The following EDA variants were observed in gnomAD, a reference collection of about 807,000 sequenced individuals.
EDA encodes the protein ectodysplasin-A.
In EDA, 2 loss-of-function variants were observed where a neutral mutation model predicts 23.6. The observed-to-expected ratio is 0.08, with a 90% CI of 0.03 to 0.27. The LOEUF (loss-of-function observed/expected upper bound fraction) is 0.27, where lower values mean the gene tolerates loss of function less well. Among genes scored for constraint, EDA ranks in the 10% least tolerant of loss-of-function variants. EDA has a pLI of 1.00. For missense variants in EDA, 229 were observed against 324.2 expected, an observed-to-expected ratio of 0.71 and a Z score of 2.26; for synonymous variants, 131 against 132.0, an observed-to-expected ratio of 0.99 and a Z score of 0.05.
intron 1 of EDA, among the ~76,000 whole-genome samples, chrX:69,678,083 T>C (rs1228944692): frequency 9.0e-6 from 1 of 111,441 alleles, no homozygotes; most frequent in Non-Finnish European, 1.9e-5. Context: ...TAGGGAATCC[T>C]TTCCCCATTG....
chrX:69,712,564 G>A (rs1479874791), intron 1 of EDA, among the ~76,000 whole-genome samples: 2 of 111,449 alleles, frequency 1.8e-5, no homozygotes, highest in Non-Finnish European at 3.8e-5. Flanking sequence ...GGAAACAACA[G>A]GCGCTGGAGA....
At chrX:69,949,643 A>C (rs1370510011) in intron 1 of EDA, among the ~76,000 whole-genome samples, 3 of 111,498 alleles carry the variant, frequency 2.7e-5, no homozygotes, top group Non-Finnish European at 5.7e-5. Context: ...GGATCTCAAA[A>C]ACTAGGCCCA....
chrX:69,778,342 C>T (rs1334207986), intron 1 of EDA, among the ~76,000 whole-genome samples: 1 of 111,230 alleles, frequency 9.0e-6, no homozygotes, highest in Non-Finnish European at 1.9e-5. Context: ...GCTATTGGTT[C>T]TTGATTGAGA....
intron 1 of EDA, among the ~76,000 whole-genome samples, chrX:69,680,948 A>G (rs1189597634): frequency 2.8e-5 from 3 of 107,313 alleles, no homozygotes; most frequent in Non-Finnish European, 5.8e-5. Context: ...ATGATTTTGC[A>G]GCGGCTGGTA....
At chrX:69,684,681 G>C (rs763120991) in intron 1 of EDA, among the ~76,000 whole-genome samples, 9 of 112,224 alleles carry the variant, frequency 8.0e-5, no homozygotes, top group Non-Finnish European at 1.7e-4. Context: ...GGCAACATGA[G>C]GCAGTAAATC....
intron 1 of EDA, among the ~76,000 whole-genome samples, chrX:69,849,482 A>C (rs1328967810): frequency 8.9e-6 from 1 of 111,819 alleles, no homozygotes; most frequent in Non-Finnish European, 1.9e-5. Context: ...TAAGTTTCGT[A>C]TACTAACCTC....
intron 1 of EDA, chrX:69,860,710 T>G: frequency 7.1e-5 from 35 of 493,808 alleles, no homozygotes; most frequent in Non-Finnish European, 1.1e-4. Flanking sequence ...TGTCTTGGGG[T>G]CGACCTTCTC....
intron 1 of EDA, among the ~76,000 whole-genome samples, chrX:69,865,542 C>T (rs777062542): frequency 2.7e-5 from 3 of 111,615 alleles, no homozygotes; most frequent in Admixed American, 9.5e-5. Context: ...CTGATTAGAT[C>T]GTGCCCACCA....
intron 1 of EDA, among the ~76,000 whole-genome samples, chrX:69,752,557 G>T (rs996988643): frequency 3.6e-5 from 4 of 111,584 alleles, no homozygotes; most frequent in African/African-American, 1.3e-4. Flanking sequence ...TTGTGTCTCT[G>T]CCAGGCTTTG....
intron 3 of EDA, among the ~76,000 whole-genome samples, chrX:70,027,523 C>G (rs914964701): frequency 9.0e-5 from 10 of 111,643 alleles, no homozygotes; most frequent in Non-Finnish European, 1.7e-4. Flanking sequence ...CAGGAAATAA[C>G]TACAAATGTA....
rs2019990086 is a variant in EDA at position 70,018,793 on chromosome X, A to G, written c.503-4425A>G. Among the ~76,000 whole-genome samples the G allele has an allele frequency of 2.7e-5, 3 of 111,642 alleles. 1 individual carries two copies. The Admixed American group carries it at 2.9e-4, about 11-fold the overall frequency. On this transcript the variant is annotated intron_variant, in intron 2 of 7. Coordinates refer to ENST00000374552, the MANE Select transcript of EDA (RefSeq NM_001399.5). ...TAGACCCTGGAAAAAAATTTATGAC[A>G]GAGACATGAAAAGCAATTGCAACAA...
At chrX:69,690,552 A>G (rs1219033675) in intron 1 of EDA, among the ~76,000 whole-genome samples, 1 of 111,562 alleles carries the variant, frequency 9.0e-6, no homozygotes, top group East Asian at 2.8e-4. Context: ...TATTTTATTG[A>G]AGATTTTTAT....
At chrX:69,691,040 G>C (rs1226641002) in intron 1 of EDA, among the ~76,000 whole-genome samples, 1 of 111,329 alleles carries the variant, frequency 9.0e-6, no homozygotes, top group Non-Finnish European at 1.9e-5. Flanking sequence ...TCTAACTAAA[G>C]GTTTGTCAAT....
At chrX:70,003,919 G>A (rs2019769593) in intron 2 of EDA, among the ~76,000 whole-genome samples, 1 of 111,698 alleles carries the variant, frequency 9.0e-6, no homozygotes, top group Non-Finnish European at 1.9e-5. Flanking sequence ...AACACAGTGT[G>A]AAAAACACTG....
intron 1 of EDA, among the ~76,000 whole-genome samples, chrX:69,710,698 G>T (rs1258871439): frequency 6.1e-4 from 68 of 111,505 alleles, no homozygotes; most frequent in South Asian, 1.9e-3. Flanking sequence ...CCTTGAAGAG[G>T]TCCTTCACAT....
intron 1 of EDA, among the ~76,000 whole-genome samples, chrX:69,862,207 C>T (rs1218001219): frequency 9.0e-6 from 1 of 111,160 alleles, no homozygotes; most frequent in East Asian, 2.8e-4. Context: ...CCACATGGGC[C>T]TCTCCACAGG....
At chrX:69,634,685 T>C (rs1932728723) in intron 1 of EDA, among the ~76,000 whole-genome samples, 1 of 110,828 alleles carries the variant, frequency 9.0e-6, no homozygotes, top group African/African-American at 3.3e-5. Context: ...TTTTTTTTCC[T>C]ACTTCTCTGA....
chrX:69,768,328 G>A (rs373063671), intron 1 of EDA, among the ~76,000 whole-genome samples: 24 of 111,685 alleles, frequency 2.1e-4, no homozygotes, highest in East Asian at 1.7e-3. Flanking sequence ...ATTTTAGCTC[G>A]TACATTTAGG....
intron 1 of EDA, among the ~76,000 whole-genome samples, chrX:69,738,089 A>G (rs1401693838): frequency 9.0e-6 from 1 of 111,159 alleles, no homozygotes; most frequent in Non-Finnish European, 1.9e-5. Context: ...ACTTTTTTGA[A>G]TTATCAAGTT....
Sources: allele counts gnomAD v4.1 joint callset (sites outside exome capture counted in the v4.1 genomes callset), GRCh38; gene constraint gnomAD v4.1.1; transcripts MANE v1.5; gene names NCBI Gene and HGNC (gene_info 2026-07-23, HGNC 2026-07-21).